YAP1: variants seen among roughly 807,000 people sequenced by gnomAD.
YAP1 encodes the protein transcriptional coactivator YAP1.
A neutral mutation model predicts 56.9 loss-of-function variants in YAP1; 5 were observed. That is an observed-to-expected ratio of 0.09 (90% CI 0.05 to 0.18). The LOEUF (loss-of-function observed/expected upper bound fraction) is 0.18, where lower values mean the gene tolerates loss of function less well. YAP1 is among the 10% of genes least tolerant of loss of function. The pLI is 1.00. For missense variants in YAP1, 539 were observed against 651.8 expected (o/e 0.83, Z 1.88); for synonymous variants, 265 against 248.1 (o/e 1.07, Z -0.64).
chr11:102,199,709 A>G (rs1023147918), intron 4 of YAP1, among the ~76,000 whole-genome samples: 2 of 152,212 alleles, frequency 1.3e-5, no homozygotes, highest in Non-Finnish European at 2.9e-5. Flanking sequence ...ATAAAACCAC[A>G]TGAAGCATTG....
chr11:102,135,002 C>T (rs1330051854), intron 2 of YAP1, among the ~76,000 whole-genome samples: 1 of 152,180 alleles, frequency 6.6e-6, no homozygotes, highest in African/African-American at 2.4e-5. Flanking sequence ...CCTCAGCCTC[C>T]TGAGTAGCTG....
At chr11:102,138,425 T>A (rs1179136174) in intron 2 of YAP1, among the ~76,000 whole-genome samples, 1 of 152,204 alleles carries the variant, frequency 6.6e-6, no homozygotes, top group Non-Finnish European at 1.5e-5. Flanking sequence ...GCCTTTCTTT[T>A]CACGTTTTCA....
At chr11:102,196,932 A>G (rs1948604641) in intron 4 of YAP1, among the ~76,000 whole-genome samples, 1 of 152,176 alleles carries the variant, frequency 6.6e-6, no homozygotes. Context: ...TTTTACTGAA[A>G]AACTACATTT....
intron 2 of YAP1, among the ~76,000 whole-genome samples, chr11:102,124,444 T>C (rs1243002543): frequency 6.6e-6 from 1 of 152,224 alleles, no homozygotes; most frequent in Non-Finnish European, 1.5e-5. Flanking sequence ...ATATGGATGA[T>C]GCCCCTCAAG....
In YAP1 at chr11:102,110,993, C is replaced by T. The variant is rs1942861679; in HGVS notation, c.145C>T (p.Pro49Ser). The change falls in exon 1 of 9, where the codon CCC (proline) becomes TCC (serine). Residue 49 changes from proline (P) to serine (S), a missense_variant. Transcript: ENST00000282441. Reference protein sequence around the residue: ...AATQAAPQAPPAGHQIVHVRG... With the variant: ...AATQAAPQAPSAGHQIVHVRG... Reference sequence around the variant, plus strand: ...GACCCAGGCGGCGCCGCAGGCACCCCCCGCCGGGCATCAGATCGTGCACGT... The same window carrying T: ...GACCCAGGCGGCGCCGCAGGCACCCTCCGCCGGGCATCAGATCGTGCACGT... 6.4e-7 allele frequency: 1 copy of T among 1,559,504 alleles called. No homozygotes were observed. Among genetic ancestry groups the T allele is most frequent in the Non-Finnish European group, 8.7e-7 (1 of 1,155,512 alleles).
chr11:102,151,120 G>A (rs991308530), intron 2 of YAP1, among the ~76,000 whole-genome samples: 3 of 152,050 alleles, frequency 2.0e-5, no homozygotes, highest in African/African-American at 4.8e-5. Flanking sequence ...CAGCCACCAC[G>A]CCTGGCTGAA....
Position 102,228,634 on chromosome 11 carries a change from C to CAAAAAAAAAA in YAP1, c.1277-1050_1277-1041dup, listed in dbSNP as rs71059544. On this transcript the variant is annotated intron_variant, in intron 8 of 8. Coordinates refer to ENST00000282441, the MANE Select transcript of YAP1 (RefSeq NM_001130145.3). ...TGGGTGACAGAGCAAGACTCCGTCT[C>CAAAAAAAAAA]AAAAAAAAAAAAAAAAAAAAAAAAA... Among the ~76,000 whole-genome samples, 57 of 31,638 alleles carry CAAAAAAAAAA rather than the reference C, an allele frequency of 1.8e-3. 2 individuals carry two copies. Among genetic ancestry groups the CAAAAAAAAAA allele is most frequent in the Admixed American group, 2.8e-3 (6 of 2,170 alleles). The allele number at this position is 31,638 out of a possible 152,430, so 20.8% of individuals were successfully genotyped here. A position where few individuals can be genotyped will look rare whatever the true frequency, so the allele number is the denominator to read the frequency against.
intron 2 of YAP1, among the ~76,000 whole-genome samples, chr11:102,132,996 A>G (rs1461359177): frequency 1.3e-5 from 2 of 151,974 alleles, no homozygotes; most frequent in African/African-American, 4.8e-5. Context: ...CGTCTCTACT[A>G]AAAATACAAA....
intron 2 of YAP1, among the ~76,000 whole-genome samples, chr11:102,144,917 C>T (rs1283427460): frequency 6.6e-6 from 1 of 152,008 alleles, no homozygotes; most frequent in African/African-American, 2.4e-5. Flanking sequence ...CTCACACACA[C>T]TTATTCTGTC....
chr11:102,224,987 C>T (rs1014832307), intron 7 of YAP1, among the ~76,000 whole-genome samples: 3 of 152,098 alleles, frequency 2.0e-5, no homozygotes, highest in Admixed American at 6.6e-5. Context: ...ATCCTTCTGA[C>T]AGTCACTTAT....
At chr11:102,187,018 C>T (rs143543132) in intron 4 of YAP1, among the ~76,000 whole-genome samples, 5 of 152,050 alleles carry the variant, frequency 3.3e-5, no homozygotes, top group Non-Finnish European at 7.4e-5. Flanking sequence ...TGAGGGGACT[C>T]GGAACCTTTG....
intron 3 of YAP1, among the ~76,000 whole-genome samples, chr11:102,165,854 C>T (rs1209035431): frequency 2.0e-5 from 3 of 152,170 alleles, no homozygotes; most frequent in South Asian, 2.1e-4. Context: ...GTCCTGGAGG[C>T]GCTATTTTTA....
intron 2 of YAP1, among the ~76,000 whole-genome samples, chr11:102,151,778 G>A (rs1945670518): frequency 6.6e-6 from 1 of 152,174 alleles, no homozygotes; most frequent in Non-Finnish European, 1.5e-5. Flanking sequence ...TTGGGATTGT[G>A]GAGAGAGAAG....
intron 3 of YAP1, among the ~76,000 whole-genome samples, chr11:102,184,262 T>G (rs956961044): frequency 2.0e-5 from 3 of 152,220 alleles, no homozygotes; most frequent in Admixed American, 6.5e-5. Context: ...TTCAGCCATT[T>G]TACAGTTAAA....
At chr11:102,185,219 C>A (rs1008256955) in intron 3 of YAP1, among the ~76,000 whole-genome samples, 2 of 152,122 alleles carry the variant, frequency 1.3e-5, no homozygotes, top group African/African-American at 2.4e-5. Flanking sequence ...TTATTCTGGG[C>A]CTCTCTTTTC....
rs371313873 is a variant in YAP1, at chr11:102,143,528, C to G, written c.573-18928C>G. 4.6e-5 allele frequency among the ~76,000 whole-genome samples: 7 copies of G among 152,216 alleles called. No individual in the cohort carries two copies. In the East Asian group the frequency reaches 1.3e-3, roughly 29 times the overall value. ...TGTTCACCAACATTAGCCAGCACAC[C>G]CCCCATATCTGCCCCAACCCTCAAG... On this transcript the variant is annotated intron_variant, in intron 2 of 8. Coordinates refer to ENST00000282441, the MANE Select transcript of YAP1 (RefSeq NM_001130145.3).
Position 102,174,852 on chromosome 11 carries a change from A to G in YAP1, c.689-11166A>G, listed in dbSNP as rs1401885743. Among the ~76,000 whole-genome samples the G allele has an allele frequency of 7.2e-5, 11 of 152,282 alleles. No homozygotes were observed. In the East Asian group the frequency reaches 1.5e-3, roughly 21 times the overall value. On this transcript the variant is annotated intron_variant, in intron 3 of 8. Coordinates refer to ENST00000282441, the MANE Select transcript of YAP1 (RefSeq NM_001130145.3). ...TCTGCTATAAAGAGGACATGAACAT[A>G]GTAGTTGGGGCACCAGTATGCTGGT...
At chr11:102,209,415 C>A in intron 5 of YAP1, 102 bp from the exon 6 acceptor site, 1 of 1,045,424 alleles carries the variant, frequency 9.6e-7, no homozygotes, top group Non-Finnish European at 1.4e-6. Context: ...CTTGGGAATT[C>A]TGTGCTATGG....
chr11:102,164,034 A>ATTTTTTTTTTTTTTTTTTTTTT (rs570625635), intron 3 of YAP1, among the ~76,000 whole-genome samples: 1 of 142,892 alleles, frequency 7.0e-6, no homozygotes. Context: ...TTAAGTAAAA[A>ATTTTTTTTTTTTTTTTTTTTTT]TTTTTTTTTT....
Sources: gnomAD v4.1 joint callset for allele counts (sites outside exome capture counted in the v4.1 genomes callset) on GRCh38, gnomAD v4.1.1 for gene constraint, MANE v1.5 for transcripts, NCBI Gene and HGNC (gene_info 2026-07-23, HGNC 2026-07-21) for gene names.